Variants in SUPT3H observed in about 807,000 individuals in gnomAD.
The protein encoded by SUPT3H is transcription initiation protein SPT3 homolog.
A neutral mutation model predicts 44.3 loss-of-function variants in SUPT3H; 44 were observed. The ratio of observed to expected loss-of-function variants is 0.99; its 90% CI spans 0.78 to 1.28. SUPT3H has a LOEUF of 1.28. SUPT3H is among the 50% of genes most tolerant of loss of function. The pLI, the probability that SUPT3H is intolerant of heterozygous loss-of-function variation, is 0.00. For synonymous variants in SUPT3H, 124 were observed against 125.6 expected, an observed-to-expected ratio of 0.99 and a Z score of 0.09; for missense variants, 380 against 387.1, an observed-to-expected ratio of 0.98 and a Z score of 0.15.
intron 10 of SUPT3H, among the ~76,000 whole-genome samples, chr6:44,918,986 G>A (rs1303001201): frequency 6.6e-6 from 1 of 152,282 alleles, no homozygotes; most frequent in Non-Finnish European, 1.5e-5. Flanking sequence ...TATTGAGGTG[G>A]AATGATTGTA....
chr6:44,886,968 C>G (rs1471354301), intron 10 of SUPT3H, among the ~76,000 whole-genome samples: 1 of 152,088 alleles, frequency 6.6e-6, no homozygotes, highest in Non-Finnish European at 1.5e-5. Flanking sequence ...GGTTGCAATC[C>G]TAGTCTCTGA....
intron 2 of SUPT3H, among the ~76,000 whole-genome samples, chr6:45,285,865 C>G (rs1202448066): frequency 6.6e-6 from 1 of 152,064 alleles, no homozygotes; most frequent in Non-Finnish European, 1.5e-5. Context: ...TGACAGTAAC[C>G]AAAACAGAAT....
chr6:44,968,857 C>T lies in SUPT3H; in HGVS notation c.505-7029G>A, dbSNP rs115874233. On this transcript the variant is annotated intron_variant, in intron 6 of 10. Coordinates refer to ENST00000371459, the MANE Select transcript of SUPT3H (RefSeq NM_003599.4). Reference sequence around the variant, plus strand: ...AGCTCAAATGCCTGACTTCTAATTACAGACATAATCTCGGCCATTCTACCT... The same window carrying T: ...AGCTCAAATGCCTGACTTCTAATTATAGACATAATCTCGGCCATTCTACCT... Among the ~76,000 whole-genome samples, 389 of 152,270 alleles carry T rather than the reference C, an allele frequency of 2.6e-3. 3 individuals are homozygous for T. Among genetic ancestry groups the T allele is most frequent in the African/African-American group, 8.5e-3 (355 of 41,550 alleles).
rs548424046 is a variant in SUPT3H at position 45,174,051 on chromosome 6, G to A, written c.102-68045C>T. On this transcript the variant is annotated intron_variant, in intron 2 of 10. Transcript: ENST00000371459. ...TCACCCAGTAATTCTTTCATTCAGG[G>A]ATAAATAGAATCCACCTGACTCTAA... is the stretch of plus-strand genomic sequence containing the variant. Among the ~76,000 whole-genome samples, 3 of 152,292 alleles carry A rather than the reference G, an allele frequency of 2.0e-5. No homozygotes were observed. The South Asian group carries it at 6.2e-4, about 32-fold the overall frequency.
chr6:45,316,415 C>A (rs1213833801), intron 2 of SUPT3H, among the ~76,000 whole-genome samples: 11 of 148,240 alleles, frequency 7.4e-5, no homozygotes, highest in Non-Finnish European at 7.5e-5. Flanking sequence ...CTATAAAAAG[C>A]AAAAAAAAAA....
chr6:45,017,873 T>C (rs1784535333), intron 4 of SUPT3H, among the ~76,000 whole-genome samples: 1 of 145,100 alleles, frequency 6.9e-6, no homozygotes, highest in Non-Finnish European at 1.5e-5. Flanking sequence ...TTTTTTCCAA[T>C]TCTGTGAAGA....
At chr6:45,002,226 A>G (rs1782098289) in intron 6 of SUPT3H, among the ~76,000 whole-genome samples, 1 of 152,016 alleles carries the variant, frequency 6.6e-6, no homozygotes, top group Non-Finnish European at 1.5e-5. Flanking sequence ...GCATCTCCAG[A>G]TATTTTATTG....
At chr6:45,037,031 A>G (rs1787775881) in intron 3 of SUPT3H, among the ~76,000 whole-genome samples, 1 of 152,172 alleles carries the variant, frequency 6.6e-6, no homozygotes, top group Admixed American at 6.6e-5. Flanking sequence ...TATATTGACA[A>G]GAGAGTCGCA....
At chr6:45,208,124 A>G (rs959159652) in intron 2 of SUPT3H, among the ~76,000 whole-genome samples, 2 of 152,194 alleles carry the variant, frequency 1.3e-5, no homozygotes, top group African/African-American at 4.8e-5. Context: ...AAAGCAAAAC[A>G]ACTTCATTGC....
At chr6:45,176,279 A>G (rs6903425) in intron 2 of SUPT3H, among the ~76,000 whole-genome samples, 131,198 of 150,500 alleles carry the variant, frequency 0.87, 57,315 homozygotes, top group African/African-American at 0.91. Context: ...CGAGGGGTCA[A>G]GAACTTCCCT....
chr6:45,141,714 G>A (rs940086580), intron 2 of SUPT3H, among the ~76,000 whole-genome samples: 20 of 152,208 alleles, frequency 1.3e-4, no homozygotes, highest in African/African-American at 2.4e-4. Flanking sequence ...ATAACAAGTC[G>A]TGAGATTAAA....
intron 1 of SUPT3H, among the ~76,000 whole-genome samples, chr6:45,373,802 C>G (rs1020847187): frequency 6.6e-6 from 1 of 152,156 alleles, no homozygotes; most frequent in Non-Finnish European, 1.5e-5. Flanking sequence ...ATCCACCCAT[C>G]TCAGCCTCCC....
chr6:45,101,994 T>C (rs1478998468), intron 3 of SUPT3H, among the ~76,000 whole-genome samples: 2 of 152,018 alleles, frequency 1.3e-5, no homozygotes, highest in Non-Finnish European at 2.9e-5. Flanking sequence ...GGTAGAAAAA[T>C]TTGACAATGA....
At chr6:45,296,387 G>C (rs1364762594) in intron 2 of SUPT3H, among the ~76,000 whole-genome samples, 1 of 151,978 alleles carries the variant, frequency 6.6e-6, no homozygotes, top group Non-Finnish European at 1.5e-5. Flanking sequence ...GCATAAGAAT[G>C]ACACAATGGA....
In SUPT3H at chr6:45,029,306, T is replaced by C. The variant is rs939399514; in HGVS notation, c.187-8674A>G. Reference sequence around the variant, plus strand: ...TCTCATGGCTCAAAAAATTCATTCATATATACTATGTGTGTATATATGACA... The same window carrying C: ...TCTCATGGCTCAAAAAATTCATTCACATATACTATGTGTGTATATATGACA... On this transcript the variant is annotated intron_variant, in intron 3 of 10. Coordinates refer to ENST00000371459, the MANE Select transcript of SUPT3H (RefSeq NM_003599.4). Among the ~76,000 whole-genome samples, 6 of 150,622 alleles carry C rather than the reference T, an allele frequency of 4.0e-5. No individual in the cohort carries two copies. In the East Asian group the frequency reaches 1.2e-3, roughly 29 times the overall value.
chr6:44,912,547 G>A (rs1767220163), intron 10 of SUPT3H, among the ~76,000 whole-genome samples: 1 of 152,168 alleles, frequency 6.6e-6, no homozygotes, highest in African/African-American at 2.4e-5. Context: ...CAATGTTTGT[G>A]ATAGGAGATA....
At chr6:45,249,182 A>G (rs1266545228) in intron 2 of SUPT3H, among the ~76,000 whole-genome samples, 3 of 152,190 alleles carry the variant, frequency 2.0e-5, no homozygotes, top group Non-Finnish European at 4.4e-5. Context: ...ACTAATATTC[A>G]TATGTTAATC....
intron 3 of SUPT3H, among the ~76,000 whole-genome samples, chr6:45,088,657 C>T (rs924165950): frequency 8.6e-5 from 13 of 152,012 alleles, no homozygotes; most frequent in African/African-American, 3.1e-4. Context: ...GGCTCACGAA[C>T]CCTGTGGGTT....
chr6:45,111,069 G>A (rs1799983046), intron 2 of SUPT3H, among the ~76,000 whole-genome samples: 1 of 143,910 alleles, frequency 6.9e-6, no homozygotes, highest in Admixed American at 7.0e-5. Context: ...GTCTCACTCT[G>A]TCACCCAGGC....
Sources: allele counts gnomAD v4.1 joint callset (sites outside exome capture counted in the v4.1 genomes callset), GRCh38; gene constraint gnomAD v4.1.1; transcripts MANE v1.5; gene names NCBI Gene and HGNC (gene_info 2026-07-23, HGNC 2026-07-21).